The following CCSER1 variants were observed in gnomAD, a reference collection of about 807,000 sequenced individuals.
The protein encoded by CCSER1 is coiled-coil serine rich protein 1, also known as serine-rich coiled-coil domain-containing protein 1.
In CCSER1, 41 loss-of-function variants were observed where a neutral mutation model predicts 82.0. The ratio of observed to expected loss-of-function variants is 0.50; its 90% CI spans 0.39 to 0.65. The LOEUF (loss-of-function observed/expected upper bound fraction) is 0.65. CCSER1 is among the 30% of genes least tolerant of loss of function. The pLI is 0.00. For missense variants in CCSER1, 1,119 were observed against 1,064.2 expected (o/e 1.05, Z -0.72); for synonymous variants, 414 against 383.9 (o/e 1.08, Z -0.92).
intron 10 of CCSER1, among the ~76,000 whole-genome samples, chr4:91,392,760 G>A (rs1751740885): frequency 6.6e-6 from 1 of 152,088 alleles, no homozygotes. Context: ...AAATAGCAAT[G>A]ATCTGATAAG....
At chr4:91,191,309 C>T (rs1581743416) in intron 10 of CCSER1, among the ~76,000 whole-genome samples, 1 of 152,130 alleles carries the variant, frequency 6.6e-6, no homozygotes, top group Non-Finnish European at 1.5e-5. Context: ...ACTGACTGTT[C>T]TTATATTTAA....
chr4:91,150,483 C>T (rs534400981), intron 10 of CCSER1, among the ~76,000 whole-genome samples: 6 of 152,266 alleles, frequency 3.9e-5, no homozygotes, highest in Middle Eastern at 3.4e-3. Flanking sequence ...CTTTCTCCTG[C>T]CTGATTGCCC....
At chr4:90,707,936 T>G (rs1739717946) in intron 6 of CCSER1, among the ~76,000 whole-genome samples, 1 of 152,098 alleles carries the variant, frequency 6.6e-6, no homozygotes, top group South Asian at 2.1e-4. Flanking sequence ...GCCAATATTA[T>G]CCTACCTACT....
At chr4:91,368,423 T>C (rs1191393105) in intron 10 of CCSER1, among the ~76,000 whole-genome samples, 1 of 152,142 alleles carries the variant, frequency 6.6e-6, no homozygotes, top group African/African-American at 2.4e-5. Flanking sequence ...GTGTAGCATA[T>C]TTTTTCTTTC....
chr4:91,548,521 C>T (rs1392233373), intron 10 of CCSER1, among the ~76,000 whole-genome samples: 1 of 151,318 alleles, frequency 6.6e-6, no homozygotes, highest in African/African-American at 2.4e-5. Flanking sequence ...CTTATTTTAA[C>T]ATTTTTTTGC....
At chr4:90,702,345 T>A (rs181304240) in intron 6 of CCSER1, among the ~76,000 whole-genome samples, 134 of 152,288 alleles carry the variant, frequency 8.8e-4, no homozygotes, top group African/African-American at 2.9e-3. Flanking sequence ...GTGGATAAGC[T>A]TTTTGATGTG....
At chr4:90,252,165 AG>A (rs918191735) in intron 1 of CCSER1, among the ~76,000 whole-genome samples, 4 of 151,916 alleles carry the variant, frequency 2.6e-5, no homozygotes, top group Non-Finnish European at 4.4e-5. Flanking sequence ...TGAATTATAC[AG>A]GTTGAGCAAC....
intron 3 of CCSER1, among the ~76,000 whole-genome samples, chr4:90,321,878 A>G (rs1018707238): frequency 1.3e-5 from 2 of 152,076 alleles, no homozygotes; most frequent in African/African-American, 4.8e-5. Context: ...AGCTGCTTAT[A>G]TATTCTGAGT....
chr4:90,738,843 C>A (rs1434635935), intron 7 of CCSER1, among the ~76,000 whole-genome samples: 1 of 152,104 alleles, frequency 6.6e-6, no homozygotes, highest in Non-Finnish European at 1.5e-5. Context: ...ATGCTCTTGT[C>A]CTGAGTCTCT....
intron 10 of CCSER1, among the ~76,000 whole-genome samples, chr4:91,466,957 T>C (rs1350786177): frequency 1.3e-5 from 2 of 152,134 alleles, no homozygotes; most frequent in African/African-American, 2.4e-5. Flanking sequence ...TCAATGCCAT[T>C]GCCATCAAGC....
intron 10 of CCSER1, among the ~76,000 whole-genome samples, chr4:91,142,310 C>T (rs1729117717): frequency 6.6e-6 from 1 of 152,148 alleles, no homozygotes; most frequent in Non-Finnish European, 1.5e-5. Flanking sequence ...TTGCTTTCTG[C>T]CATGATTGTG....
At position 91,436,723 on chromosome 4, in the gene CCSER1, G is replaced by T. The variant is rs574435306; in HGVS notation, c.2218-161849G>T. 4.6e-5 allele frequency among the ~76,000 whole-genome samples: 7 copies of T among 152,296 alleles called. No individual in the cohort carries two copies. The East Asian group carries it at 1.3e-3, about 29-fold the overall frequency. On this transcript the variant is annotated intron_variant, in intron 10 of 10. Transcript: ENST00000509176. ...TTGTCTTCCAATAGTGAAACCATGA[G>T]TGGAGCTCAGCTAGGGAAACAGAGA... is the stretch of plus-strand genomic sequence containing the variant.
chr4:90,325,938 T>A (rs1393751706), intron 3 of CCSER1, among the ~76,000 whole-genome samples: 5 of 152,148 alleles, frequency 3.3e-5, no homozygotes, highest in Non-Finnish European at 5.9e-5. Context: ...TAAGTAATTT[T>A]AAAATTGAGA....
intron 1 of CCSER1, among the ~76,000 whole-genome samples, chr4:90,249,466 T>A (rs1429444861): frequency 6.6e-6 from 1 of 152,104 alleles, no homozygotes; most frequent in Admixed American, 6.6e-5. Flanking sequence ...CCAAAAGAAA[T>A]GCAATTCTTA....
At position 91,581,408 on chromosome 4, in the gene CCSER1, T is replaced by A. The variant is rs144574275; in HGVS notation, c.2218-17164T>A. Among the ~76,000 whole-genome samples, 217 of 151,668 alleles carry A rather than the reference T, an allele frequency of 1.4e-3. 1 individual carries two copies. The highest frequency in any genetic ancestry group is 5.0e-3 in the African/African-American group (206 of 41,462). ...AGATTCAGGTTGTTGGGGAAAAAAA[T>A]TGTAGTCATGCTTCAGGTGCAGCCC... On this transcript the variant is annotated intron_variant, in intron 10 of 10. Transcript: ENST00000509176.
intron 10 of CCSER1, among the ~76,000 whole-genome samples, chr4:91,484,631 A>G (rs756102781): frequency 1.3e-5 from 2 of 152,146 alleles, no homozygotes; most frequent in African/African-American, 2.4e-5. Context: ...AATTCATACT[A>G]TCTTCTATTG....
At chr4:90,742,004 C>G (rs947514391) in intron 7 of CCSER1, among the ~76,000 whole-genome samples, 2 of 151,946 alleles carry the variant, frequency 1.3e-5, no homozygotes, top group African/African-American at 2.4e-5. Context: ...AGGAGGCATG[C>G]CTAGATAGGC....
intron 8 of CCSER1, among the ~76,000 whole-genome samples, chr4:90,903,245 G>A (rs1265503689): frequency 6.6e-6 from 1 of 152,048 alleles, no homozygotes; most frequent in Non-Finnish European, 1.5e-5. Context: ...ATCAAAACAT[G>A]GTGACCAGCC....
chr4:91,001,485 T>C (rs1738030607), intron 9 of CCSER1, among the ~76,000 whole-genome samples: 1 of 152,160 alleles, frequency 6.6e-6, no homozygotes, highest in East Asian at 1.9e-4. Context: ...TAGAATATTC[T>C]CATCTTTTCC....
Sources: gnomAD v4.1 joint callset for allele counts (sites outside exome capture counted in the v4.1 genomes callset) on GRCh38, gnomAD v4.1.1 for gene constraint, MANE v1.5 for transcripts, NCBI Gene and HGNC (gene_info 2026-07-23, HGNC 2026-07-21) for gene names.